The following PPARA variants were observed in gnomAD, a reference collection of about 807,000 sequenced individuals.
PPARA encodes peroxisome proliferator activated receptor alpha, also known as peroxisome proliferator-activated receptor alpha.
In PPARA, 22 loss-of-function variants were observed where a neutral mutation model predicts 42.2. The ratio of observed to expected loss-of-function variants is 0.52; its 90% CI spans 0.37 to 0.74. The LOEUF is 0.74. Among genes scored for constraint, PPARA ranks in the 30% least tolerant of loss-of-function variants. The pLI, the probability that PPARA is intolerant of heterozygous loss-of-function variation, is 0.00. For missense variants in PPARA, 465 were observed against 608.2 expected, an observed-to-expected ratio of 0.76 and a Z score of 2.48; for synonymous variants, 242 against 239.3, an observed-to-expected ratio of 1.01 and a Z score of -0.10.
At chr22:46,198,045 C>T (rs1300325933) in intron 3 of PPARA, among the ~76,000 whole-genome samples, 3 of 150,250 alleles carry the variant, frequency 2.0e-5, no homozygotes, top group African/African-American at 7.4e-5. Context: ...CCCTGGCTAA[C>T]ACAGTGAAAC....
intron 5 of PPARA, among the ~76,000 whole-genome samples, chr22:46,217,276 T>A (rs540680044): frequency 6.6e-6 from 1 of 152,120 alleles, no homozygotes; most frequent in South Asian, 2.1e-4. Flanking sequence ...GTGGCAAAAA[T>A]ATAGAAGAAT....
In PPARA at chr22:46,231,576, T is replaced by C. The variant is rs1935875163; in HGVS notation, c.712-216T>C. ...ACCCAATGTCAGGCGATGACTATTA[T>C]TATTTTACTGATTTATACTGTTTGT... On this transcript the variant is annotated intron_variant, in intron 7 of 8. Transcript: ENST00000407236. The surrounding 1 kb of genome is among the most constrained non-coding windows in gnomAD (Gnocchi z 7.7). Among the ~76,000 whole-genome samples, 1 of 152,212 alleles carries C rather than the reference T, an allele frequency of 6.6e-6. No homozygotes were observed. Among genetic ancestry groups the C allele is most frequent in the Non-Finnish European group, 1.5e-5 (1 of 68,046 alleles).
chr22:46,205,403 A>G (rs1222411602), intron 4 of PPARA, among the ~76,000 whole-genome samples: 1 of 148,262 alleles, frequency 6.7e-6, no homozygotes, highest in Non-Finnish European at 1.5e-5. Context: ...ATTTATTTGT[A>G]GAGACGGGGT....
rs545351431 is a variant in PPARA at position 46,235,072 on chromosome 22, C to T, written c.1160-61C>T. 2 of 1,609,196 alleles carry T rather than the reference C, an allele frequency of 1.2e-6. No individual in the cohort carries two copies. The highest frequency in any genetic ancestry group is 1.7e-5 in the Admixed American group (1 of 60,004). On this transcript the variant is annotated intron_variant, in intron 8 of 8. Coordinates refer to ENST00000407236, the MANE Select transcript of PPARA (RefSeq NM_005036.6). The surrounding 1 kb of genome is among the most constrained non-coding windows in gnomAD (Gnocchi z 7.0). ...AAATAGGCATGTTTGGTTCCTGAAACTGATAAGCAGTTCTTGGGTGATTAT... is the reference window on the plus strand; with the variant it reads ...AAATAGGCATGTTTGGTTCCTGAAATTGATAAGCAGTTCTTGGGTGATTAT...
chr22:46,223,369 G>A (rs935178693), intron 7 of PPARA, among the ~76,000 whole-genome samples: 6 of 152,002 alleles, frequency 3.9e-5, no homozygotes, highest in South Asian at 2.1e-4. Flanking sequence ...TAGGCCAGGC[G>A]CGGTGGCTCA....
In PPARA at chr22:46,160,821, T is replaced by G. The variant is rs890746067; in HGVS notation, c.-127+8851T>G. On this transcript the variant is annotated intron_variant, in intron 2 of 8. Coordinates refer to ENST00000407236, the MANE Select transcript of PPARA (RefSeq NM_005036.6). The surrounding 1 kb of genome is among the most constrained non-coding windows in gnomAD (Gnocchi z 4.5). ...TAGCCATGTTCAGCTAGTCTCAAAC[T>G]CCTGGGCTCAAGTGATCTGTCCGCC... Among the ~76,000 whole-genome samples the G allele has an allele frequency of 3.9e-5, 6 of 152,188 alleles. No homozygotes were observed. Among genetic ancestry groups the G allele is most frequent in the Non-Finnish European group, 7.3e-5 (5 of 68,034 alleles).
Position 46,224,120 on chromosome 22 carries a change from C to G in PPARA, c.711+4106C>G, listed in dbSNP as rs1935216640. On this transcript the variant is annotated intron_variant, in intron 7 of 8. Transcript: ENST00000407236. The surrounding 1 kb of genome is among the most constrained non-coding windows in gnomAD (Gnocchi z 5.7). ...AGGTACCAGTTTTCAAGGCAACCTC[C>G]AACCATCATGTGACTCTTTGTGTTT... Among the ~76,000 whole-genome samples the G allele has an allele frequency of 1.3e-5, 2 of 152,192 alleles. No homozygotes were observed. The highest frequency in any genetic ancestry group is 2.1e-4 in the South Asian group (1 of 4,830).
rs1426976745 is a variant in PPARA at position 46,193,319 on chromosome 22, G to A, written c.-42-5023G>A. On this transcript the variant is annotated intron_variant, in intron 3 of 8. Transcript: ENST00000407236. The surrounding 1 kb of genome is among the most constrained non-coding windows in gnomAD (Gnocchi z 5.3). ...TGACCTCAAGTGATCCACTCGCCTT[G>A]GCCTCCCAAATGCTCAGATTACAGG... 6.6e-6 allele frequency among the ~76,000 whole-genome samples: 1 copy of A among 152,136 alleles called. No individual in the cohort carries two copies.
At position 46,200,420 on chromosome 22, in the gene PPARA, G is replaced by A. The variant is rs760784634; in HGVS notation, c.208+1829G>A. ...GCACGCACCTGTACAGCGTGTTACTGTACTGAACGGCGTAGGCCCCTGTGA... is the reference window on the plus strand; with the variant it reads ...GCACGCACCTGTACAGCGTGTTACTATACTGAACGGCGTAGGCCCCTGTGA... On this transcript the variant is annotated intron_variant, in intron 4 of 8. Transcript: ENST00000407236. This position sits in a 1 kb window ranked among gnomAD's most constrained non-coding sequence, Gnocchi z 4.8. 9.2e-5 allele frequency among the ~76,000 whole-genome samples: 14 copies of A among 152,244 alleles called. No individual in the cohort carries two copies. Among genetic ancestry groups the A allele is most frequent in the Non-Finnish European group, 2.1e-4 (14 of 68,046 alleles).
chr22:46,186,712 CA>C (rs538482477), intron 3 of PPARA, among the ~76,000 whole-genome samples: 1 of 151,238 alleles, frequency 6.6e-6, no homozygotes. Flanking sequence ...GACTCTGTCT[CA>C]AAAAAAATAA....
intron 3 of PPARA, among the ~76,000 whole-genome samples, chr22:46,185,613 G>A (rs1231138776): frequency 6.6e-6 from 1 of 151,806 alleles, no homozygotes; most frequent in Non-Finnish European, 1.5e-5. Flanking sequence ...TACCACCTCT[G>A]GCTGGGCGCG....
chr22:46,226,615 T>C (rs1157460873), intron 7 of PPARA, among the ~76,000 whole-genome samples: 2 of 152,194 alleles, frequency 1.3e-5, no homozygotes, highest in Admixed American at 6.5e-5. Context: ...CATGAGTCCA[T>C]TGTAGCTAGA....
Position 46,241,532 on chromosome 22 carries a change from C to A in PPARA, c.*6152C>A, listed in dbSNP as rs1419570662. ...TTATCACAAAAAGCCATGTGTGTGG[C>A]CTTATCAGAACAGAAAGAGACAGGC... On this transcript the variant is annotated 3_prime_UTR_variant, in exon 9 of 9. Transcript: ENST00000407236. The surrounding 1 kb of genome is among the most constrained non-coding windows in gnomAD (Gnocchi z 5.7). 1.3e-5 allele frequency: 2 copies of A among 152,090 alleles called. No individual in the cohort carries two copies. 9.4% of individuals were successfully genotyped at this position (152,090 alleles called of 1,614,324 possible).
Position 46,235,308 on chromosome 22 carries a change from G to A in PPARA, c.1335G>A (p.Gln445=). 1 of 1,614,122 alleles carries A rather than the reference G, an allele frequency of 6.2e-7. No individual in the cohort carries two copies. The highest frequency in any genetic ancestry group is 8.5e-7 in the Non-Finnish European group (1 of 1,180,040). ...TGACGGAGCATGCGCAGCTGGTGCA[G>A]ATCATCAAGAAGACGGAGTCGGATG... ...QLVTEHAQLV[Q]IIKKTESDAA... is the part of the protein sequence containing the mutation. Residue 445 remains glutamine (Q), a synonymous_variant, in exon 9 of 9, where the codon CAG becomes CAA. Coordinates refer to ENST00000407236, the MANE Select transcript of PPARA (RefSeq NM_005036.6). The surrounding 1 kb of genome is among the most constrained non-coding windows in gnomAD (Gnocchi z 7.0).
intron 2 of PPARA, among the ~76,000 whole-genome samples, chr22:46,154,604 G>A (rs960875752): frequency 6.6e-6 from 1 of 152,120 alleles, no homozygotes; most frequent in African/African-American, 2.4e-5. Context: ...GTGACAGAGT[G>A]AGACCTGGTC....
In PPARA at chr22:46,239,641, A is replaced by ACCCCCCCCCCCCCACCCCCCCCCGCAC. The variant is rs1936317836; in HGVS notation, c.*4267_*4268insCCCCCCCACCCCCCCCCGCACCCCCCC. ...CGATGGTCCCGGCCTGCAGTGACAA[A>ACCCCCCCCCCCCCACCCCCCCCCGCAC]CCCCCCTCCCCGCACCGCCCCCAGC... On this transcript the variant is annotated 3_prime_UTR_variant, in exon 9 of 9. Coordinates refer to ENST00000407236, the MANE Select transcript of PPARA (RefSeq NM_005036.6). The ACCCCCCCCCCCCCACCCCCCCCCGCAC allele has an allele frequency of 7.5e-6, 1 of 133,760 alleles. No individual in the cohort carries two copies. Among genetic ancestry groups the ACCCCCCCCCCCCCACCCCCCCCCGCAC allele is most frequent in the Non-Finnish European group, 1.6e-5 (1 of 62,126 alleles). The allele number at this position is 133,760 out of a possible 1,614,324, so 8.3% of individuals were successfully genotyped here.
intron 1 of PPARA, among the ~76,000 whole-genome samples, chr22:46,151,650 C>A (rs1279816682): frequency 1.3e-5 from 2 of 152,266 alleles, no homozygotes; most frequent in Non-Finnish European, 2.9e-5. Context: ...CCCACGTCAG[C>A]CTCAGCCGAC....
rs1159667161 is a variant in PPARA at position 46,165,211 on chromosome 22, T to A, written c.-126-11542T>A. The A allele has an allele frequency of 2.0e-5, 3 of 152,170 alleles. No individual in the cohort carries two copies. The highest frequency in any genetic ancestry group is 7.2e-5 in the African/African-American group (3 of 41,412). 9.4% of individuals were successfully genotyped at this position (152,170 alleles called of 1,614,324 possible). On this transcript the variant is annotated intron_variant, in intron 2 of 8. Coordinates refer to ENST00000407236, the MANE Select transcript of PPARA (RefSeq NM_005036.6). This position sits in a 1 kb window ranked among gnomAD's most constrained non-coding sequence, Gnocchi z 5.5. ...CCACCACACCTGGCTAATTTTTGTA[T>A]TTTTAGTAGAGATGGGATTTGGCCA...
rs982971670 is a variant in PPARA at position 46,216,055 on chromosome 22, A to G, written c.369+722A>G. Among the ~76,000 whole-genome samples the G allele has an allele frequency of 6.6e-6, 1 of 152,198 alleles. No individual in the cohort carries two copies. The highest frequency in any genetic ancestry group is 6.5e-5 in the Admixed American group (1 of 15,280). On this transcript the variant is annotated intron_variant, in intron 5 of 8. Coordinates refer to ENST00000407236, the MANE Select transcript of PPARA (RefSeq NM_005036.6). This position sits in a 1 kb window ranked among gnomAD's most constrained non-coding sequence, Gnocchi z 4.5. ...GACAAATGGTTCCTCTGTGCTTTGT[A>G]AATACTTAGAGAAGTGCATTCTTTA... is the stretch of plus-strand genomic sequence containing the variant.
Sources: gnomAD v4.1 joint callset for allele counts (sites outside exome capture counted in the v4.1 genomes callset) on GRCh38, gnomAD v4.1.1 for gene constraint, Gnocchi (gnomAD v3.1) non-coding constraint, MANE v1.5 for transcripts, NCBI Gene and HGNC (gene_info 2026-07-23, HGNC 2026-07-21) for gene names.